Variants in LMBR1 observed in about 807,000 individuals in gnomAD.
The protein encoded by LMBR1 is limb region 1 protein homolog.
A neutral mutation model predicts 73.9 loss-of-function variants in LMBR1; 52 were observed. The observed-to-expected ratio is 0.70, with a 90% CI of 0.56 to 0.89. The LOEUF (loss-of-function observed/expected upper bound fraction) is 0.89. Among genes scored for constraint, LMBR1 ranks in the 40% least tolerant of loss-of-function variants. The pLI, the probability that LMBR1 is intolerant of heterozygous loss-of-function variation, is 0.00. For synonymous variants in LMBR1, 215 were observed against 209.4 expected (o/e 1.03, Z -0.23); for missense variants, 539 against 579.8 (o/e 0.93, Z 0.72).
Position 156,680,652 on chromosome 7 carries a change from T to C in LMBR1, c.*3426A>G, listed in dbSNP as rs1804875088. ...TAAAATACATGCTATCAATTATTGATGCTACATTGTGGGTTATAAGAAATT... is the reference window on the plus strand; with the variant it reads ...TAAAATACATGCTATCAATTATTGACGCTACATTGTGGGTTATAAGAAATT... On this transcript the variant is annotated 3_prime_UTR_variant, in exon 17 of 17. Coordinates refer to ENST00000353442, the MANE Select transcript of LMBR1 (RefSeq NM_022458.4). 1 of 153,432 alleles carries C rather than the reference T, an allele frequency of 6.5e-6. No homozygotes were observed. The highest frequency in any genetic ancestry group is 1.5e-5 in the Non-Finnish European group (1 of 68,936). The allele number at this position is 153,432 out of a possible 1,614,324, so 9.5% of individuals were successfully genotyped here. A position where few individuals can be genotyped will look rare whatever the true frequency, so the allele number is the denominator to read the frequency against.
At chr7:156,832,608 C>T (rs569425863) in intron 3 of LMBR1, among the ~76,000 whole-genome samples, 173 of 152,310 alleles carry the variant, frequency 1.1e-3, no homozygotes, top group Admixed American at 3.1e-3. Context: ...CAGCATGTAT[C>T]AGTACTTCAT....
intron 4 of LMBR1, among the ~76,000 whole-genome samples, chr7:156,818,535 T>G (rs1424178251): frequency 1.3e-5 from 2 of 152,210 alleles, no homozygotes; most frequent in Non-Finnish European, 2.9e-5. Flanking sequence ...TTTTCCTATC[T>G]TCCAAATTTT....
chr7:156,688,288 T>C, intron 15 of LMBR1, 97 bp from the exon 16 acceptor site: 2 of 809,832 alleles, frequency 2.5e-6, no homozygotes, highest in Non-Finnish European at 3.8e-6. Context: ...TTCTATGGAC[T>C]TTCTCACTTC....
chr7:156,751,015 GGGAAC>G (rs1399845535), intron 9 of LMBR1, among the ~76,000 whole-genome samples: 11 of 152,126 alleles, frequency 7.2e-5, no homozygotes, highest in Non-Finnish European at 1.6e-4. Flanking sequence ...GAGGCTAAAG[GGGAAC>G]GATCACCTGA....
rs550962332 is a variant in LMBR1, at chr7:156,783,417, G to A, written c.423+12972C>T. Among the ~76,000 whole-genome samples, 5 of 152,138 alleles carry A rather than the reference G, an allele frequency of 3.3e-5. No individual in the cohort carries two copies. In the South Asian group the frequency reaches 1.0e-3, roughly 32 times the overall value. ...TAGTCTCGAACTCCTGGCCTCCTGCGATTCTCCCACCTCAGCCTCCCAAAG... is the reference window on the plus strand; with the variant it reads ...TAGTCTCGAACTCCTGGCCTCCTGCAATTCTCCCACCTCAGCCTCCCAAAG... On this transcript the variant is annotated intron_variant, in intron 5 of 16. Coordinates refer to ENST00000353442, the MANE Select transcript of LMBR1 (RefSeq NM_022458.4).
intron 15 of LMBR1, among the ~76,000 whole-genome samples, chr7:156,711,085 C>T (rs1001415363): frequency 2.6e-5 from 4 of 152,138 alleles, no homozygotes; most frequent in Non-Finnish European, 5.9e-5. Context: ...CCAAGGTGGG[C>T]AGATCACAAG....
downstream of LMBR1, among the ~76,000 whole-genome samples, chr7:156,675,525 T>A (rs1803691355): frequency 6.6e-6 from 1 of 152,178 alleles, no homozygotes; most frequent in African/African-American, 2.4e-5. Context: ...CTGTCCAGAT[T>A]ATCTGGATTT....
At chr7:156,861,454 C>T (rs1004471801) in intron 1 of LMBR1, among the ~76,000 whole-genome samples, 4 of 152,168 alleles carry the variant, frequency 2.6e-5, no homozygotes, top group African/African-American at 9.7e-5. Flanking sequence ...ATGGGAGGGG[C>T]TGCCACAAAG....
chr7:156,891,190 CAAA>C (rs58107543), intron 1 of LMBR1, among the ~76,000 whole-genome samples: 157 of 20,600 alleles, frequency 7.6e-3, no homozygotes, highest in African/African-American at 0.029. Context: ...GACTCCATCA[CAAA>C]AAAAAAAAAA....
chr7:156,782,467 T>G (rs1384706841), intron 5 of LMBR1, among the ~76,000 whole-genome samples: 1 of 152,212 alleles, frequency 6.6e-6, no homozygotes. Context: ...CTCCACATCC[T>G]TACCAATGCT....
intron 1 of LMBR1, among the ~76,000 whole-genome samples, chr7:156,850,496 T>C (rs1796088236): frequency 6.6e-6 from 1 of 152,238 alleles, no homozygotes; most frequent in East Asian, 1.9e-4. Flanking sequence ...TGTTTTTATG[T>C]ATTTGCCTAT....
chr7:156,708,830 G>C (rs1309268079), intron 15 of LMBR1, among the ~76,000 whole-genome samples: 1 of 152,154 alleles, frequency 6.6e-6, no homozygotes, highest in African/African-American at 2.4e-5. Flanking sequence ...CTGCGGCAGG[G>C]ACTGCAGAAG....
intron 1 of LMBR1, among the ~76,000 whole-genome samples, chr7:156,864,699 TA>T (rs1479101292): frequency 6.6e-6 from 1 of 152,132 alleles, no homozygotes; most frequent in Non-Finnish European, 1.5e-5. Flanking sequence ...AAATAAAATT[TA>T]AAAAGCAATT....
At chr7:156,703,572 T>C (rs1044006904) in intron 15 of LMBR1, among the ~76,000 whole-genome samples, 8 of 152,194 alleles carry the variant, frequency 5.3e-5, no homozygotes, top group African/African-American at 1.2e-4. Context: ...AAGTTCCATG[T>C]CTGCTGGCCA....
chr7:156,714,744 T>C (rs1429598058), intron 15 of LMBR1, among the ~76,000 whole-genome samples: 4 of 152,070 alleles, frequency 2.6e-5, no homozygotes, highest in African/African-American at 9.7e-5. Flanking sequence ...TAGGACTCTA[T>C]ACACCAGAAA....
At position 156,791,234 on chromosome 7, in the gene LMBR1, C is replaced by A. The variant is rs562117884; in HGVS notation, c.423+5155G>T. ...CTTTTGTCTGTGATTTCCTCTCACC[C>A]ACCAGAACCAGGCCAAATATGCGCA... is the stretch of plus-strand genomic sequence containing the variant. On this transcript the variant is annotated intron_variant, in intron 5 of 16. Coordinates refer to ENST00000353442, the MANE Select transcript of LMBR1 (RefSeq NM_022458.4). Among the ~76,000 whole-genome samples, 96 of 152,252 alleles carry A rather than the reference C, an allele frequency of 6.3e-4. No homozygotes were observed. The highest frequency in any genetic ancestry group is 2.2e-3 in the African/African-American group (91 of 41,544).
At chr7:156,684,830 G>A (rs1170195754) in intron 16 of LMBR1, among the ~76,000 whole-genome samples, 1 of 152,156 alleles carries the variant, frequency 6.6e-6, no homozygotes, top group Non-Finnish European at 1.5e-5. Context: ...AGTGGCTCAT[G>A]CCTATAATCC....
At chr7:156,769,915 G>A (rs1025349289) in intron 5 of LMBR1, among the ~76,000 whole-genome samples, 5 of 152,120 alleles carry the variant, frequency 3.3e-5, no homozygotes, top group African/African-American at 1.2e-4. Flanking sequence ...CCCAGGTAAA[G>A]AGCAGTCAAG....
In LMBR1 at chr7:156,869,590, G is replaced by C. The variant is rs1798971866; in HGVS notation, c.66+23338C>G. On this transcript the variant is annotated intron_variant, in intron 1 of 16. Coordinates refer to ENST00000353442, the MANE Select transcript of LMBR1 (RefSeq NM_022458.4). ...AACCCAAAGGTAGACAGCAAGAAAG[G>C]GTAAGACAACCAAAAAAACTATAAG... Among the ~76,000 whole-genome samples, 4 of 151,542 alleles carry C rather than the reference G, an allele frequency of 2.6e-5. 1 individual carries two copies. Among genetic ancestry groups the C allele is most frequent in the Middle Eastern group, 6.8e-3 (2 of 292 alleles).
Sources: gnomAD v4.1 joint callset for allele counts (sites outside exome capture counted in the v4.1 genomes callset) on GRCh38, gnomAD v4.1.1 for gene constraint, MANE v1.5 for transcripts, NCBI Gene and HGNC (gene_info 2026-07-23, HGNC 2026-07-21) for gene names.